Variants in GTF2IRD1 observed in about 807,000 individuals in gnomAD.
GTF2IRD1 encodes the protein general transcription factor II-I repeat domain-containing protein 1.
In GTF2IRD1, 26 loss-of-function variants were observed where a neutral mutation model predicts 113.2. The observed-to-expected ratio is 0.23, with a 90% CI of 0.17 to 0.32. The LOEUF (loss-of-function observed/expected upper bound fraction) is 0.32, where lower values mean the gene tolerates loss of function less well. GTF2IRD1 is among the 10% of genes least tolerant of loss of function. The pLI is 1.00. For missense variants in GTF2IRD1, 864 were observed against 1,280.8 expected (o/e 0.67, Z 4.97); for synonymous variants, 484 against 529.1 (o/e 0.91, Z 1.17).
At chr7:74,505,175 G>A (rs1167924683) in intron 1 of GTF2IRD1, among the ~76,000 whole-genome samples, 1 of 152,136 alleles carries the variant, frequency 6.6e-6, no homozygotes, top group East Asian at 1.9e-4. Flanking sequence ...ATGAACCACC[G>A]CACCCGGCCT....
At chr7:74,505,280 C>T (rs986092773) in intron 1 of GTF2IRD1, among the ~76,000 whole-genome samples, 2 of 152,216 alleles carry the variant, frequency 1.3e-5, no homozygotes, top group Admixed American at 1.3e-4. Flanking sequence ...CAGACGTGGG[C>T]CTGGGTCTCA....
intron 1 of GTF2IRD1, among the ~76,000 whole-genome samples, chr7:74,458,164 C>T (rs1793116386): frequency 6.6e-6 from 1 of 152,070 alleles, no homozygotes; most frequent in Non-Finnish European, 1.5e-5. Context: ...AGACACTGCG[C>T]CCGGTCCTGA....
chr7:74,534,963 C>G, intron 9 of GTF2IRD1, 150 bp from the exon 10 acceptor site: 3 of 692,448 alleles, frequency 4.3e-6, no homozygotes, highest in Non-Finnish European at 8.0e-6. Flanking sequence ...ATGCCCTCTC[C>G]TGCCTGCATG....
intron 17 of GTF2IRD1, among the ~76,000 whole-genome samples, chr7:74,549,305 A>G (rs1182317286): frequency 7.1e-6 from 1 of 140,888 alleles, no homozygotes; most frequent in Non-Finnish European, 1.6e-5. Context: ...TCTGTCTCAA[A>G]AAAAAAAAAA....
At chr7:74,559,119 C>T (rs1290069138) in intron 21 of GTF2IRD1, 75 bp downstream of exon 21, 22 of 1,360,190 alleles carry the variant, frequency 1.6e-5, no homozygotes, top group Non-Finnish European at 2.3e-5. Flanking sequence ...AATCCTTAGC[C>T]TTTCCCTAGG....
chr7:74,497,750 C>A (rs1438856612), intron 1 of GTF2IRD1, among the ~76,000 whole-genome samples: 1 of 151,862 alleles, frequency 6.6e-6, no homozygotes, highest in African/African-American at 2.4e-5. Context: ...TGTTGCCCCG[C>A]CTGGAGTGCA....
At chr7:74,473,924 T>G (rs1321823733) in intron 1 of GTF2IRD1, among the ~76,000 whole-genome samples, 1 of 151,938 alleles carries the variant, frequency 6.6e-6, no homozygotes, top group African/African-American at 2.4e-5. Context: ...CCGTCTGTAC[T>G]AAAAATACAA....
At chr7:74,524,267 C>A in intron 8 of GTF2IRD1, 113 bp downstream of exon 8, 1 of 630,308 alleles carries the variant, frequency 1.6e-6, no homozygotes, top group Non-Finnish European at 2.8e-6. Flanking sequence ...TGCTGGCTCC[C>A]GCGCGCCGGC....
chr7:74,589,336 G>A (rs1462476953), intron 22 of GTF2IRD1, among the ~76,000 whole-genome samples: 1 of 152,000 alleles, frequency 6.6e-6, no homozygotes, highest in Non-Finnish European at 1.5e-5. Context: ...TCCAGCCTGG[G>A]TGACAGAGCA....
rs1489431667 is a variant in GTF2IRD1 at position 74,555,588 on chromosome 7, T to C, written c.2023+94T>C. 1.2e-6 allele frequency: 1 copy of C among 813,100 alleles called. No homozygotes were observed. Among genetic ancestry groups the C allele is most frequent in the Non-Finnish European group, 2.1e-6 (1 of 480,040 alleles). 50.4% of individuals were successfully genotyped at this position (813,100 alleles called of 1,614,324 possible). A position where few individuals can be genotyped will look rare whatever the true frequency, so the allele number is the denominator to read the frequency against. ...GGCCAGGCTGGAAGTGGGGAGGAGCTGGCCCCCAACTTCAGGGCCTAAGGG... is the reference window on the plus strand; with the variant it reads ...GGCCAGGCTGGAAGTGGGGAGGAGCCGGCCCCCAACTTCAGGGCCTAAGGG... On this transcript the variant is annotated intron_variant, in intron 19 of 26. Transcript: ENST00000424337. The surrounding 1 kb of genome is among the most constrained non-coding windows in gnomAD (Gnocchi z 5.3).
At chr7:74,519,153 C>T (rs1270985369) in intron 5 of GTF2IRD1, among the ~76,000 whole-genome samples, 4 of 152,198 alleles carry the variant, frequency 2.6e-5, no homozygotes, top group East Asian at 1.9e-4. Flanking sequence ...CCGCACCTGG[C>T]GGGATCTGAA....
chr7:74,540,357 G>T (rs1798561078), intron 14 of GTF2IRD1, among the ~76,000 whole-genome samples: 1 of 151,982 alleles, frequency 6.6e-6, no homozygotes, highest in Admixed American at 6.6e-5. Context: ...TGTTGGTCAG[G>T]CTGGTCTTGA....
Position 74,515,445 on chromosome 7 carries a change from GC to G in GTF2IRD1, c.275del (p.Pro92ArgfsTer41). The G allele has an allele frequency of 6.3e-7, 1 of 1,584,344 alleles. No homozygotes were observed. The part of the protein sequence containing the change: ...QSDFLRFCRG[P>X]PWKDPEAEHP... ...CGCGTGCTCTGTGTCCCACAGGAGG[GC>G]CCCCGTGGAAGGATCCGGAGGCAGA... On this transcript the variant is annotated frameshift_variant, in exon 4 of 27. Transcript: ENST00000424337. LOFTEE classifies it high-confidence loss of function.
chr7:74,492,224 T>G (rs544091402), intron 1 of GTF2IRD1, among the ~76,000 whole-genome samples: 28 of 149,194 alleles, frequency 1.9e-4, no homozygotes, highest in Admixed American at 2.7e-4. Flanking sequence ...AGGCTGGAGT[T>G]CAGTGGCGTG....
intron 1 of GTF2IRD1, among the ~76,000 whole-genome samples, chr7:74,491,699 C>G (rs1160173696): frequency 6.6e-6 from 1 of 152,088 alleles, no homozygotes. Context: ...TGGTGTATAC[C>G]TACCACATTT....
chr7:74,575,847 G>A (rs1801013780), intron 22 of GTF2IRD1, among the ~76,000 whole-genome samples: 1 of 152,240 alleles, frequency 6.6e-6, no homozygotes, highest in African/African-American at 2.4e-5. Flanking sequence ...CTTGAGATAT[G>A]ATTTGGGGAA....
chr7:74,529,709 C>T (rs1363143312), intron 8 of GTF2IRD1, 25 bp from the exon 9 acceptor site: 1 of 1,611,352 alleles, frequency 6.2e-7, no homozygotes, highest in Non-Finnish European at 8.5e-7. Context: ...TAACACTCAG[C>T]CTTGCTGTTT....
intron 14 of GTF2IRD1, among the ~76,000 whole-genome samples, chr7:74,542,214 T>C (rs1276682932): frequency 3.2e-4 from 48 of 151,720 alleles, no homozygotes; most frequent in African/African-American, 1.1e-3. Context: ...GCCAACCTAG[T>C]GAAACCCCAT....
intron 1 of GTF2IRD1, among the ~76,000 whole-genome samples, chr7:74,492,665 C>T (rs181514418): frequency 1.3e-5 from 2 of 152,072 alleles, no homozygotes; most frequent in Non-Finnish European, 1.5e-5. Flanking sequence ...TTTATGAGAA[C>T]AAGAGAAATT....
Sources: allele counts gnomAD v4.1 joint callset (sites outside exome capture counted in the v4.1 genomes callset), GRCh38; gene constraint gnomAD v4.1.1; non-coding constraint Gnocchi (gnomAD v3.1); transcripts MANE v1.5; gene names NCBI Gene and HGNC (gene_info 2026-07-23, HGNC 2026-07-21).